The following KDM1A variants were observed in gnomAD, a reference collection of about 807,000 sequenced individuals.
KDM1A encodes the protein lysine-specific histone demethylase 1A.
Under a neutral mutation model 109.4 loss-of-function variants are expected in KDM1A, and 49 were observed. That is an observed-to-expected ratio of 0.45 (90% CI 0.36 to 0.57). The LOEUF is 0.57. Ranked by LOEUF, KDM1A falls within the 20% of genes least tolerant of loss-of-function variation. KDM1A has a pLI of 0.00. For missense variants in KDM1A, 668 were observed against 1,116.6 expected (o/e 0.60, Z 5.73); for synonymous variants, 380 against 415.4 (o/e 0.91, Z 1.04).
At chr1:23,059,230 G>A in intron 9 of KDM1A, 63 bp downstream of exon 9, 1 of 1,173,754 alleles carries the variant, frequency 8.5e-7, no homozygotes, top group Non-Finnish European at 1.3e-6. Context: ...AATTTTAGGA[G>A]AATGGTATGG....
At chr1:23,063,781 T>G (rs1029815181) in intron 9 of KDM1A, among the ~76,000 whole-genome samples, 2 of 152,216 alleles carry the variant, frequency 1.3e-5, no homozygotes, top group Non-Finnish European at 2.9e-5. Flanking sequence ...TACTTAGACA[T>G]GTTGTGTGTG....
chr1:23,038,567 A>T, intron 2 of KDM1A, among the ~76,000 whole-genome samples: 1 of 152,204 alleles, frequency 6.6e-6, no homozygotes, highest in Non-Finnish European at 1.5e-5. Flanking sequence ...ATAAGTAAGG[A>T]TCAGGAAAAT....
chr1:23,030,157 C>T (rs898514353), intron 1 of KDM1A, among the ~76,000 whole-genome samples: 4 of 152,070 alleles, frequency 2.6e-5, no homozygotes, highest in African/African-American at 9.7e-5. Context: ...TTGGAAATTC[C>T]AGTATGTGAG....
chr1:23,024,069 G>A (rs940843741), intron 1 of KDM1A, among the ~76,000 whole-genome samples: 4 of 152,000 alleles, frequency 2.6e-5, no homozygotes, highest in Admixed American at 6.6e-5. Context: ...AGCTGGCCTC[G>A]AACTTCTGGG....
intron 15 of KDM1A, among the ~76,000 whole-genome samples, chr1:23,075,479 G>A (rs1041036052): frequency 4.0e-5 from 6 of 151,636 alleles, no homozygotes; most frequent in Non-Finnish European, 7.4e-5. Flanking sequence ...GCTGAGGCAC[G>A]AGAATTGCCT....
At chr1:23,080,086 A>G (rs1435044181) in intron 18 of KDM1A, among the ~76,000 whole-genome samples, 4 of 152,160 alleles carry the variant, frequency 2.6e-5, no homozygotes, top group African/African-American at 9.7e-5. Flanking sequence ...TTCTTTTGTA[A>G]TTGGACTTAA....
At chr1:23,074,479 T>C (rs1329282) in intron 15 of KDM1A, among the ~76,000 whole-genome samples, 115,040 of 152,086 alleles carry the variant, frequency 0.76, 44,250 homozygotes, top group Non-Finnish European at 0.83. Context: ...TCTTGCTTTG[T>C]TGCCCAGGCT....
chr1:23,036,577 C>T (rs987221143), intron 2 of KDM1A, among the ~76,000 whole-genome samples: 1 of 149,594 alleles, frequency 6.7e-6, no homozygotes, highest in African/African-American at 2.5e-5. Context: ...AAAGGTAATT[C>T]AACAGAATTC....
intron 2 of KDM1A, 120 bp from the exon 3 acceptor site, chr1:23,044,307 T>C (rs936056872): frequency 3.7e-6 from 3 of 820,106 alleles, no homozygotes; most frequent in Middle Eastern, 2.3e-4. Context: ...AGGAGCTCTC[T>C]GAATATGGGT....
At chr1:23,045,011 T>C (rs1226192864) in intron 3 of KDM1A, among the ~76,000 whole-genome samples, 1 of 152,228 alleles carries the variant, frequency 6.6e-6, no homozygotes. Context: ...GTTTAAACAT[T>C]TTGTTTCTCA....
chr1:23,035,498 G>T (rs148657510), intron 2 of KDM1A, among the ~76,000 whole-genome samples: 1,782 of 152,220 alleles, frequency 0.012, 23 homozygotes, highest in African/African-American at 0.04. Flanking sequence ...CACCATGCCC[G>T]GTCAGGCTGT....
intron 9 of KDM1A, chr1:23,059,494 G>A (rs1004786015): frequency 1.1e-5 from 4 of 362,668 alleles, no homozygotes; most frequent in East Asian, 7.1e-5. Flanking sequence ...CTGATTCTTC[G>A]GTTTTTTTTG....
rs1035160473 is a variant in KDM1A at position 23,081,401 on chromosome 1, A to G, written c.2171-45A>G. On this transcript the variant is annotated intron_variant, in intron 18 of 20. Transcript: ENST00000400181. ...GGGCCTGATAAGGAAGTTTTTGAGG[A>G]AAGTCTGTAGGAAAACCCTAGAATT... 3.7e-6 allele frequency: 6 copies of G among 1,605,244 alleles called. No individual in the cohort carries two copies. In the Admixed American group the frequency reaches 5.0e-5, roughly 13 times the overall value.
At chr1:23,063,196 T>TGTG (rs1553130154) in intron 9 of KDM1A, among the ~76,000 whole-genome samples, 2 of 39,378 alleles carry the variant, frequency 5.1e-5, no homozygotes, top group Non-Finnish European at 1.2e-4. Flanking sequence ...GCTGTAGCAT[T>TGTG]GGGGGGGGGG....
At position 23,030,765 on chromosome 1, in the gene KDM1A, CCATGT is replaced by C. The variant is rs755744387; in HGVS notation, c.517+132_517+136del. ...ATAAAGTCTGATATTGAGTCTCCTG[CCATGT>C]GTGTCTTTGTGTGTGTGTATACATA... is the stretch of plus-strand genomic sequence containing the variant. On this transcript the variant is annotated intron_variant, in intron 2 of 20. Transcript: ENST00000400181. 1,255 of 909,696 alleles carry C rather than the reference CCATGT, an allele frequency of 1.4e-3. 1 individual carries two copies. The highest frequency in any genetic ancestry group is 1.8e-3 in the Non-Finnish European group (1,078 of 608,600). 56.4% of individuals were successfully genotyped at this position (909,696 alleles called of 1,614,324 possible). A position where few individuals can be genotyped will look rare whatever the true frequency, so the allele number is the denominator to read the frequency against.
chr1:23,020,132 G>A (rs373696892), intron 1 of KDM1A, 185 bp downstream of exon 1: 1 of 591,674 alleles, frequency 1.7e-6, no homozygotes, highest in Non-Finnish European at 2.6e-6. Flanking sequence ...GTCTTTGCCG[G>A]TGTTGACTGC....
Position 23,050,481 on chromosome 1 carries a change from A to G in KDM1A, c.672A>G (p.Gln224=), listed in dbSNP as rs367773531. Residue 224 remains glutamine (Q), a synonymous_variant, in exon 4 of 21, where the codon CAA becomes CAG. Transcript: ENST00000400181. The stretch of plus-strand genomic sequence containing the variant: ...TTCCAGATATTATCAGTGGACCACA[A>G]CAGACCCAGAAGGTTTTTCTTTTCA... ...ACFPDIISGP[Q]QTQKVFLFIR... is the part of the protein sequence containing the mutation. 1.6e-5 allele frequency: 25 copies of G among 1,612,152 alleles called. No individual in the cohort carries two copies. Among genetic ancestry groups the G allele is most frequent in the Non-Finnish European group, 2.5e-6 (3 of 1,179,086 alleles).
chr1:23,057,865 G>A (rs1282473086), intron 8 of KDM1A: 24 of 203,460 alleles, frequency 1.2e-4, no homozygotes, highest in African/African-American at 5.1e-4. Flanking sequence ...GTGCAGTGGC[G>A]TGACCTCCAC....
chr1:23,033,270 C>T (rs1642043572), intron 2 of KDM1A, among the ~76,000 whole-genome samples: 1 of 152,132 alleles, frequency 6.6e-6, no homozygotes, highest in Admixed American at 6.5e-5. Context: ...GCGGTGGCTC[C>T]CAGCACTTTG....
Sources: gnomAD v4.1 joint callset for allele counts (sites outside exome capture counted in the v4.1 genomes callset) on GRCh38, gnomAD v4.1.1 for gene constraint, MANE v1.5 for transcripts, NCBI Gene and HGNC (gene_info 2026-07-23, HGNC 2026-07-21) for gene names.